The following ADCY8 variants were observed in gnomAD, a reference collection of about 807,000 sequenced individuals.
The protein encoded by ADCY8 is adenylate cyclase 8.
Under a neutral mutation model 119.7 loss-of-function variants are expected in ADCY8, and 51 were observed. The observed-to-expected ratio is 0.43, with a 90% CI of 0.34 to 0.54. ADCY8 has a LOEUF of 0.54. Ranked by LOEUF, ADCY8 falls within the 20% of genes least tolerant of loss-of-function variation. The pLI is 0.03. For synonymous variants in ADCY8, 665 were observed against 651.0 expected, an observed-to-expected ratio of 1.02 and a Z score of -0.33; for missense variants, 1,383 against 1,598.8, an observed-to-expected ratio of 0.87 and a Z score of 2.30.
chr8:130,845,149 G>A (rs1817257841), intron 11 of ADCY8, among the ~76,000 whole-genome samples: 1 of 152,160 alleles, frequency 6.6e-6, no homozygotes, highest in Non-Finnish European at 1.5e-5. Context: ...CTGAGGCACT[G>A]AAACAAAGCT....
intron 8 of ADCY8, among the ~76,000 whole-genome samples, chr8:130,884,054 T>TG (rs11407452): frequency 6.6e-6 from 1 of 151,822 alleles, no homozygotes; most frequent in Non-Finnish European, 1.5e-5. Context: ...CCACAACCCA[T>TG]TTCTTTCTAC....
chr8:130,960,715 A>G (rs1821575593), intron 2 of ADCY8, among the ~76,000 whole-genome samples: 1 of 151,992 alleles, frequency 6.6e-6, no homozygotes, highest in Admixed American at 6.6e-5. Context: ...GAATACAAAC[A>G]GGGGAAAATT....
chr8:131,014,859 ATTTC>A (rs1823420327), intron 1 of ADCY8, among the ~76,000 whole-genome samples: 1 of 152,142 alleles, frequency 6.6e-6, no homozygotes. Context: ...ATCAATGGTA[ATTTC>A]TTTCTTTTTC....
chr8:130,925,556 A>G (rs1164856339), intron 5 of ADCY8, among the ~76,000 whole-genome samples: 2 of 152,140 alleles, frequency 1.3e-5, no homozygotes, highest in African/African-American at 4.8e-5. Flanking sequence ...CTGCCTGTCA[A>G]GGGCCCCCCA....
intron 5 of ADCY8, among the ~76,000 whole-genome samples, chr8:130,915,571 A>G (rs1185693204): frequency 6.6e-6 from 1 of 152,144 alleles, no homozygotes; most frequent in Non-Finnish European, 1.5e-5. Flanking sequence ...CAGTCTTCCC[A>G]GGTGCAATGG....
chr8:130,784,354 C>A (rs962157355), intron 16 of ADCY8, among the ~76,000 whole-genome samples: 1 of 152,128 alleles, frequency 6.6e-6, no homozygotes, highest in African/African-American at 2.4e-5. Context: ...GGAAGTGCTG[C>A]ATAAGCCTCT....
chr8:130,802,734 T>G (rs1815821009), intron 14 of ADCY8, among the ~76,000 whole-genome samples: 1 of 152,232 alleles, frequency 6.6e-6, no homozygotes. Context: ...TGTTCAAGTG[T>G]CAACCCTTGT....
intron 7 of ADCY8, among the ~76,000 whole-genome samples, chr8:130,888,240 C>T (rs527629958): frequency 1.4e-4 from 21 of 151,346 alleles, no homozygotes; most frequent in East Asian, 7.8e-4. Flanking sequence ...TATATTTGAA[C>T]GTATGCTTCA....
chr8:130,788,680 CTACT>C (rs1815333150), intron 15 of ADCY8, among the ~76,000 whole-genome samples: 1 of 152,052 alleles, frequency 6.6e-6, no homozygotes, highest in Non-Finnish European at 1.5e-5. Context: ...AATGAATATG[CTACT>C]TATTCTGTTT....
In ADCY8 at chr8:130,791,468, C is replaced by T. The variant is rs569406658; in HGVS notation, c.3061-5993G>A. 1.9e-4 allele frequency among the ~76,000 whole-genome samples: 29 copies of T among 152,352 alleles called. No homozygotes were observed. The South Asian group carries it at 2.7e-3, about 14-fold the overall frequency. The stretch of plus-strand genomic sequence containing the variant: ...GACCTCTGGTTTAAGAAATTGCTTA[C>T]GACATACTGATTTAAAGGCAAAGGA... On this transcript the variant is annotated intron_variant, in intron 15 of 17. Transcript: ENST00000286355.
chr8:130,902,193 A>G (rs765469446), intron 7 of ADCY8, among the ~76,000 whole-genome samples: 1 of 152,242 alleles, frequency 6.6e-6, no homozygotes, highest in Non-Finnish European at 1.5e-5. Flanking sequence ...TGAGGTATTC[A>G]GGATGAGGCA....
At chr8:130,808,882 G>C (rs964698744) in intron 14 of ADCY8, among the ~76,000 whole-genome samples, 1 of 118,684 alleles carries the variant, frequency 8.4e-6, no homozygotes, top group Non-Finnish European at 1.9e-5. Flanking sequence ...GCCCTTGCTA[G>C]TGTCTTTTCA....
chr8:131,018,001 T>C (rs1010198673), intron 1 of ADCY8, among the ~76,000 whole-genome samples: 9 of 152,162 alleles, frequency 5.9e-5, no homozygotes, highest in African/African-American at 2.2e-4. Flanking sequence ...AGTATAAACA[T>C]TTTATGTTTT....
rs142634997 is a variant in ADCY8 at position 130,918,652 on chromosome 8, G to C, written c.1482-8786C>G. Among the ~76,000 whole-genome samples, 569 of 152,242 alleles carry C rather than the reference G, an allele frequency of 3.7e-3. 6 individuals are homozygous for C. The highest frequency in any genetic ancestry group is 0.012 in the African/African-American group (514 of 41,530). On this transcript the variant is annotated intron_variant, in intron 5 of 17. Coordinates refer to ENST00000286355, the MANE Select transcript of ADCY8 (RefSeq NM_001115.3). ...AGATGTCAACTTAGAACTGTTTGAG[G>C]GATGTAGCTTTCAACATTATTTTAG...
intron 8 of ADCY8, among the ~76,000 whole-genome samples, chr8:130,876,445 CT>C (rs74376925): frequency 0.34 from 52,253 of 151,932 alleles, 9,888 homozygotes; most frequent in East Asian, 0.56. Context: ...GCTAATCAGC[CT>C]TTTTTGGGAT....
intron 1 of ADCY8, among the ~76,000 whole-genome samples, chr8:130,998,877 A>G (rs1377023902): frequency 6.6e-6 from 1 of 152,098 alleles, no homozygotes; most frequent in African/African-American, 2.4e-5. Context: ...AAAAATGCGG[A>G]TCCTTTGGCC....
chr8:131,022,051 G>T (rs961636388), intron 1 of ADCY8, among the ~76,000 whole-genome samples: 8 of 152,166 alleles, frequency 5.3e-5, no homozygotes, highest in African/African-American at 1.9e-4. Flanking sequence ...AAAAATAAAT[G>T]CTTGGTCTGC....
At chr8:130,811,699 G>T (rs1177082317) in intron 14 of ADCY8, among the ~76,000 whole-genome samples, 1 of 152,146 alleles carries the variant, frequency 6.6e-6, no homozygotes, top group Non-Finnish European at 1.5e-5. Context: ...TAAGAGCAGG[G>T]GCCACAGCCA....
In ADCY8 at chr8:130,780,649, T is replaced by C; in HGVS notation, c.3497A>G (p.Lys1166Arg). 1 of 1,614,202 alleles carries C rather than the reference T, an allele frequency of 6.2e-7. No homozygotes were observed. The highest frequency in any genetic ancestry group is 8.5e-7 in the Non-Finnish European group (1 of 1,180,032). ...GACTCTTCCCAGAAGAAAGTACGTT[T>C]TGATTTTTCCTTCCTGTTCACTGAT... ...KGISEQEGKI[K>R]TYFLLGRVQP... The change falls in exon 18 of 18, where the codon AAA (lysine) becomes AGA (arginine). Residue 1166 changes from lysine to arginine, a missense_variant. Physicochemically the swap from Lys to Arg is conservative, Grantham distance 26 (BLOSUM62 2). Transcript: ENST00000286355.
Sources: gnomAD v4.1 joint callset for allele counts (sites outside exome capture counted in the v4.1 genomes callset) on GRCh38, gnomAD v4.1.1 for gene constraint, MANE v1.5 for transcripts, NCBI Gene and HGNC (gene_info 2026-07-23, HGNC 2026-07-21) for gene names.